The following ACVR1 variants were observed in gnomAD, a reference collection of about 807,000 sequenced individuals.
ACVR1 encodes activin receptor type-1.
A neutral mutation model predicts 57.1 loss-of-function variants in ACVR1; 38 were observed. The observed-to-expected ratio is 0.67, with a 90% CI of 0.51 to 0.87. ACVR1 has a LOEUF of 0.87. Ranked by LOEUF, ACVR1 falls within the 40% of genes least tolerant of loss-of-function variation. ACVR1 has a pLI of 0.00. For missense variants in ACVR1, 463 were observed against 638.2 expected (o/e 0.73, Z 2.96); for synonymous variants, 212 against 228.1 (o/e 0.93, Z 0.63).
chr2:157,760,041 CAAGA>C (rs1193444001), intron 9 of ACVR1, among the ~76,000 whole-genome samples: 1 of 152,152 alleles, frequency 6.6e-6, no homozygotes, highest in African/African-American at 2.4e-5. Context: ...GGAACAAAGA[CAAGA>C]ATGCCTACTT....
chr2:157,843,117 A>G (rs768817090), intron 1 of ACVR1, among the ~76,000 whole-genome samples: 6 of 152,240 alleles, frequency 3.9e-5, no homozygotes, highest in Non-Finnish European at 8.8e-5. Context: ...TTACACAGCT[A>G]GCATGATAAA....
At chr2:157,800,394 G>A (rs1047057594) in intron 2 of ACVR1, among the ~76,000 whole-genome samples, 13 of 152,068 alleles carry the variant, frequency 8.5e-5, no homozygotes, top group African/African-American at 1.7e-4. Flanking sequence ...TTCGGAGGCC[G>A]AGGTGGGATG....
chr2:157,875,050 A>G (rs907133907), intron 1 of ACVR1: 1 of 152,214 alleles, frequency 6.6e-6, no homozygotes, highest in African/African-American at 2.4e-5. Flanking sequence ...GACAGAGCCG[A>G]GCCAGTCTAG....
At chr2:157,786,850 G>C (rs572032084) in intron 3 of ACVR1, among the ~76,000 whole-genome samples, 3 of 152,160 alleles carry the variant, frequency 2.0e-5, no homozygotes, top group African/African-American at 7.2e-5. Flanking sequence ...AGAAAAAGCT[G>C]CCCCTGCTCC....
chr2:157,844,408 C>T (rs1689067783), intron 1 of ACVR1, among the ~76,000 whole-genome samples: 1 of 152,114 alleles, frequency 6.6e-6, no homozygotes, highest in Non-Finnish European at 1.5e-5. Context: ...GCTACTCCAC[C>T]ATCAGCTCTG....
chr2:157,856,761 C>T (rs186896427), intron 1 of ACVR1, among the ~76,000 whole-genome samples: 60 of 152,198 alleles, frequency 3.9e-4, no homozygotes, highest in African/African-American at 1.4e-3. Flanking sequence ...AATAGGATGA[C>T]AAAAATTGTG....
chr2:157,787,180 T>G (rs1183870946), intron 3 of ACVR1, among the ~76,000 whole-genome samples: 1 of 152,178 alleles, frequency 6.6e-6, no homozygotes. Flanking sequence ...ACTAACAAAT[T>G]AAAGAACACT....
chr2:157,799,729 T>C (rs567765749), intron 2 of ACVR1, among the ~76,000 whole-genome samples: 1 of 152,320 alleles, frequency 6.6e-6, no homozygotes, highest in East Asian at 1.9e-4. Flanking sequence ...ACTCCAAGGA[T>C]AGTTTCTAAG....
chr2:157,831,050 G>A (rs915631840), intron 1 of ACVR1, among the ~76,000 whole-genome samples: 13 of 152,138 alleles, frequency 8.5e-5, no homozygotes, highest in Admixed American at 2.0e-4. Flanking sequence ...TCCCACCTTA[G>A]CCTCCCAAAG....
At chr2:157,873,967 A>G (rs768302527) in intron 1 of ACVR1, among the ~76,000 whole-genome samples, 9 of 152,256 alleles carry the variant, frequency 5.9e-5, no homozygotes, top group South Asian at 4.1e-4. Flanking sequence ...CAAACTTGCT[A>G]GAATTCAAAT....
intron 9 of ACVR1, among the ~76,000 whole-genome samples, chr2:157,750,088 G>C (rs1377147712): frequency 6.6e-6 from 1 of 152,186 alleles, no homozygotes; most frequent in Admixed American, 6.5e-5. Flanking sequence ...GACCTGCCCT[G>C]CTGGTCACCA....
chr2:157,838,612 T>C (rs901159113), intron 1 of ACVR1, among the ~76,000 whole-genome samples: 12 of 152,150 alleles, frequency 7.9e-5, no homozygotes, highest in African/African-American at 1.9e-4. Flanking sequence ...GTCTCCTCTG[T>C]AGTTTAAGTG....
intron 2 of ACVR1, among the ~76,000 whole-genome samples, chr2:157,814,022 C>T (rs1283299497): frequency 2.6e-5 from 4 of 152,170 alleles, no homozygotes; most frequent in Non-Finnish European, 4.4e-5. Flanking sequence ...ATGTAACTTC[C>T]GCTGTGGAGC....
intron 9 of ACVR1, among the ~76,000 whole-genome samples, chr2:157,758,777 A>G (rs983445780): frequency 2.6e-5 from 4 of 151,990 alleles, no homozygotes; most frequent in African/African-American, 4.8e-5. Context: ...TGAATAGACC[A>G]TATGTTAGGC....
At chr2:157,747,587 C>T (rs554516343) in intron 9 of ACVR1, among the ~76,000 whole-genome samples, 14 of 152,224 alleles carry the variant, frequency 9.2e-5, no homozygotes, top group Admixed American at 5.2e-4. Flanking sequence ...TGGGTGCATA[C>T]AGAAGTAGAA....
At position 157,780,286 on chromosome 2, in the gene ACVR1, G is replaced by A. The variant is rs770060581; in HGVS notation, c.331+51C>T. The A allele has an allele frequency of 5.6e-6, 9 of 1,612,854 alleles. No individual in the cohort carries two copies. In the South Asian group the frequency reaches 8.8e-5, roughly 16 times the overall value. ...AGATCTTTAACCCACACGGACCCAG[G>A]ACAACACTAACAAAACCCCTTGATC... On this transcript the variant is annotated intron_variant, in intron 4 of 10. Coordinates refer to ENST00000434821, the MANE Select transcript of ACVR1 (RefSeq NM_001111067.4).
Position 157,875,873 on chromosome 2 carries a change from CGCGGGGCGGCGCGGGGCGGG to C in ACVR1, c.-280_-261del, listed in dbSNP as rs1016258918. On this transcript the variant is annotated 5_prime_UTR_variant, in exon 1 of 11. Coordinates refer to ENST00000434821, the MANE Select transcript of ACVR1 (RefSeq NM_001111067.4). ...AGCCGGGCGCTGCAGGTCGGCGCGG[CGCGGGGCGGCGCGGGGCGGG>C]GCGGGGCGGTGCAGCCGGCGAGGGA... 13 of 147,120 alleles carry C rather than the reference CGCGGGGCGGCGCGGGGCGGG, an allele frequency of 8.8e-5. No individual in the cohort carries two copies. Among genetic ancestry groups the C allele is most frequent in the Non-Finnish European group, 1.4e-4 (9 of 65,938 alleles). The allele number at this position is 147,120 out of a possible 1,614,324, so 9.1% of individuals were successfully genotyped here. A position where few individuals can be genotyped will look rare whatever the true frequency, so the allele number is the denominator to read the frequency against.
chr2:157,828,169 C>T (rs1053237742), intron 1 of ACVR1, among the ~76,000 whole-genome samples: 11 of 151,930 alleles, frequency 7.2e-5, no homozygotes, highest in Non-Finnish European at 1.2e-4. Context: ...TACAAAAGGC[C>T]GGGCGCTGGG....
chr2:157,872,570 G>A lies in ACVR1; in HGVS notation c.-183+3226C>T, dbSNP rs185463868. On this transcript the variant is annotated intron_variant, in intron 1 of 10. Coordinates refer to ENST00000434821, the MANE Select transcript of ACVR1 (RefSeq NM_001111067.4). ...GTAGAAGCAGGAGAAAATAGGGGAGGAGGGGGACATACCTCAACCTTATTC... is the reference window on the plus strand; with the variant it reads ...GTAGAAGCAGGAGAAAATAGGGGAGAAGGGGGACATACCTCAACCTTATTC... Among the ~76,000 whole-genome samples, 9 of 152,306 alleles carry A rather than the reference G, an allele frequency of 5.9e-5. No individual in the cohort carries two copies. The East Asian group carries it at 1.7e-3, about 29-fold the overall frequency.
Sources: allele counts gnomAD v4.1 joint callset (sites outside exome capture counted in the v4.1 genomes callset), GRCh38; gene constraint gnomAD v4.1.1; transcripts MANE v1.5; gene names NCBI Gene and HGNC (gene_info 2026-07-23, HGNC 2026-07-21).